Variants in DACH1 observed in about 807,000 individuals in gnomAD.
The protein encoded by DACH1 is dachshund family transcription factor 1.
Under a neutral mutation model 54.2 loss-of-function variants are expected in DACH1, and 12 were observed. The observed-to-expected ratio is 0.22, with a 90% CI of 0.14 to 0.36. The LOEUF is 0.36. Ranked by LOEUF, DACH1 falls within the 10% of genes least tolerant of loss-of-function variation. The probability of loss-of-function intolerance (pLI) is 1.00; values close to 1 mark genes in which losing one functional copy is unlikely to be tolerated. For synonymous variants in DACH1, 386 were observed against 366.2 expected, an observed-to-expected ratio of 1.05 and a Z score of -0.62; for missense variants, 805 against 929.8, an observed-to-expected ratio of 0.87 and a Z score of 1.75.
At position 71,607,416 on chromosome 13, in the gene DACH1, A is replaced by T. The variant is rs552690100; in HGVS notation, c.1126+23140T>A. Among the ~76,000 whole-genome samples the T allele has an allele frequency of 3.9e-5, 6 of 151,980 alleles. No homozygotes were observed. In the South Asian group the frequency reaches 1.0e-3, roughly 26 times the overall value. On this transcript the variant is annotated intron_variant, in intron 3 of 10. Coordinates refer to ENST00000613252, the MANE Select transcript of DACH1 (RefSeq NM_080759.6). Reference sequence around the variant, plus strand: ...TACTAAGCCATGTAACAATTCTAAAATTTTTTTTCAAAGTAACTCAAGGAA... The same window carrying T: ...TACTAAGCCATGTAACAATTCTAAATTTTTTTTTCAAAGTAACTCAAGGAA...
chr13:71,850,901 GGTACA>G (rs1486830459), intron 1 of DACH1, among the ~76,000 whole-genome samples: 32 of 152,160 alleles, frequency 2.1e-4, no homozygotes, highest in Admixed American at 5.2e-4. Context: ...TCTTTCAGGA[GGTACA>G]GTACAACCTA....
intron 1 of DACH1, among the ~76,000 whole-genome samples, chr13:71,720,452 C>A (rs1043303318): frequency 6.6e-6 from 1 of 152,062 alleles, no homozygotes; most frequent in Non-Finnish European, 1.5e-5. Flanking sequence ...CTATTGTCAG[C>A]CATAACGTCT....
chr13:71,620,101 T>G (rs1054732630), intron 3 of DACH1, among the ~76,000 whole-genome samples: 1 of 151,964 alleles, frequency 6.6e-6, no homozygotes, highest in African/African-American at 2.4e-5. Context: ...TTTAATATTT[T>G]TATGTAAAGT....
At chr13:71,824,090 TA>T (rs1300447139) in intron 1 of DACH1, among the ~76,000 whole-genome samples, 1 of 151,902 alleles carries the variant, frequency 6.6e-6, no homozygotes, top group Non-Finnish European at 1.5e-5. Flanking sequence ...ATATTCAATT[TA>T]AAAAATAATA....
intron 2 of DACH1, among the ~76,000 whole-genome samples, chr13:71,643,515 G>T (rs913344776): frequency 2.6e-5 from 4 of 152,154 alleles, no homozygotes; most frequent in African/African-American, 9.7e-5. Flanking sequence ...GGAGTCTGTT[G>T]CATTATTCAT....
At chr13:71,463,555 C>A (rs1460179981) in intron 10 of DACH1, among the ~76,000 whole-genome samples, 1 of 151,840 alleles carries the variant, frequency 6.6e-6, no homozygotes, top group East Asian at 1.9e-4. Context: ...GGAAGCAAGG[C>A]GTATGGAGAC....
chr13:71,810,237 A>G (rs1168242545), intron 1 of DACH1, among the ~76,000 whole-genome samples: 2 of 152,140 alleles, frequency 1.3e-5, no homozygotes, highest in African/African-American at 4.8e-5. Flanking sequence ...GAATTAATCC[A>G]TTTACAGCTG....
intron 3 of DACH1, among the ~76,000 whole-genome samples, chr13:71,593,579 T>A (rs1593952698): frequency 2.0e-5 from 3 of 152,224 alleles, no homozygotes; most frequent in East Asian, 3.9e-4. Flanking sequence ...GAAAATTTAA[T>A]TTTTAGACTG....
At chr13:71,720,994 C>G (rs1361120456) in intron 1 of DACH1, among the ~76,000 whole-genome samples, 1 of 152,038 alleles carries the variant, frequency 6.6e-6, no homozygotes, top group African/African-American at 2.4e-5. Context: ...CAGCTATTTC[C>G]TGTTAAAAAT....
intron 1 of DACH1, among the ~76,000 whole-genome samples, chr13:71,793,655 C>T (rs1040212564): frequency 1.3e-5 from 2 of 152,078 alleles, no homozygotes; most frequent in Non-Finnish European, 2.9e-5. Context: ...CACAGCCTCT[C>T]GAGTAGCTGG....
chr13:71,656,948 A>ATATATATATT (rs1222220190), intron 2 of DACH1, among the ~76,000 whole-genome samples: 1 of 139,892 alleles, frequency 7.1e-6, no homozygotes, highest in African/African-American at 2.6e-5. Context: ...ATATATATAT[A>ATATATATATT]TGCGCATATA....
intron 2 of DACH1, among the ~76,000 whole-genome samples, chr13:71,669,457 C>T (rs1566420019): frequency 1.3e-5 from 2 of 152,112 alleles, no homozygotes; most frequent in Admixed American, 6.5e-5. Flanking sequence ...CCATCACCTG[C>T]AGATGGTGTG....
intron 1 of DACH1, among the ~76,000 whole-genome samples, chr13:71,751,508 T>C (rs1884925700): frequency 6.6e-6 from 1 of 152,204 alleles, no homozygotes; most frequent in Non-Finnish European, 1.5e-5. Flanking sequence ...ATTGTTGATC[T>C]AAATTCTTAA....
At chr13:71,747,747 G>A (rs2137965547) in intron 1 of DACH1, among the ~76,000 whole-genome samples, 1 of 152,220 alleles carries the variant, frequency 6.6e-6, no homozygotes, top group Non-Finnish European at 1.5e-5. Flanking sequence ...GTCTCTACTG[G>A]GTCCATGGGA....
chr13:71,461,985 C>G (rs747617484), intron 10 of DACH1, among the ~76,000 whole-genome samples: 1 of 151,798 alleles, frequency 6.6e-6, no homozygotes, highest in Non-Finnish European at 1.5e-5. Context: ...ACATAGCACA[C>G]CTGAATATGT....
intron 1 of DACH1, among the ~76,000 whole-genome samples, chr13:71,691,331 T>C (rs1881466808): frequency 6.6e-6 from 1 of 152,220 alleles, no homozygotes; most frequent in South Asian, 2.1e-4. Flanking sequence ...ATAATTGCAA[T>C]TATATTATCT....
At chr13:71,769,440 A>G (rs970647610) in intron 1 of DACH1, among the ~76,000 whole-genome samples, 16 of 151,694 alleles carry the variant, frequency 1.1e-4, no homozygotes, top group Admixed American at 1.1e-3. Flanking sequence ...TAAAAATAAG[A>G]ATTTCCAGGT....
At chr13:71,846,046 A>C (rs1480615792) in intron 1 of DACH1, 1 of 167,402 alleles carries the variant, frequency 6.0e-6, no homozygotes, top group African/African-American at 2.4e-5. Flanking sequence ...GGGTCTCCAG[A>C]ACCAAAGGGA....
Position 71,840,674 on chromosome 13 carries a change from T to C in DACH1, c.848+25248A>G, listed in dbSNP as rs551972538. Among the ~76,000 whole-genome samples the C allele has an allele frequency of 6.6e-5, 10 of 152,118 alleles. No individual in the cohort carries two copies. The East Asian group carries it at 1.7e-3, about 26-fold the overall frequency. ...CTTTGCCATTGCTACAAAGTTAAGA[T>C]AAAGAATAACGAAAATTGCAAAATG... On this transcript the variant is annotated intron_variant, in intron 1 of 10. Transcript: ENST00000613252.
Sources: allele counts gnomAD v4.1 joint callset (sites outside exome capture counted in the v4.1 genomes callset), GRCh38; gene constraint gnomAD v4.1.1; transcripts MANE v1.5; gene names NCBI Gene and HGNC (gene_info 2026-07-23, HGNC 2026-07-21).